CACNA1B: variants seen among roughly 807,000 people sequenced by gnomAD.
CACNA1B encodes voltage-dependent N-type calcium channel subunit alpha-1B.
In CACNA1B, 70 loss-of-function variants were observed where a neutral mutation model predicts 247.2. The observed-to-expected ratio is 0.28, with a 90% CI of 0.23 to 0.35. The LOEUF is 0.35. Ranked by LOEUF, CACNA1B falls within the 10% of genes least tolerant of loss-of-function variation. CACNA1B has a pLI of 1.00. For synonymous variants in CACNA1B, 1,231 were observed against 1,294.4 expected (o/e 0.95, Z 1.05); for missense variants, 2,367 against 3,197.4 (o/e 0.74, Z 6.26).
At chr9:138,030,458 C>T (rs1331150132) in intron 20 of CACNA1B, among the ~76,000 whole-genome samples, 7 of 152,006 alleles carry the variant, frequency 4.6e-5, no homozygotes, top group African/African-American at 1.7e-4. Flanking sequence ...ATAATTATTT[C>T]TCTATGTTGC....
At chr9:137,901,686 A>ATTTTT (rs57624388) in intron 3 of CACNA1B, among the ~76,000 whole-genome samples, 2 of 112,394 alleles carry the variant, frequency 1.8e-5, no homozygotes, top group Non-Finnish European at 3.6e-5. Context: ...TTTTTTTGTG[A>ATTTTT]TTTTTTTTTT....
At chr9:138,089,812 G>A (rs944112727) in intron 36 of CACNA1B, among the ~76,000 whole-genome samples, 1 of 152,132 alleles carries the variant, frequency 6.6e-6, no homozygotes, top group Non-Finnish European at 1.5e-5. Context: ...ACAAAAATCA[G>A]TAGTGTGTCT....
At chr9:138,060,067 A>C (rs1030077773) in intron 31 of CACNA1B, among the ~76,000 whole-genome samples, 5 of 152,248 alleles carry the variant, frequency 3.3e-5, no homozygotes, top group African/African-American at 1.2e-4. Context: ...TGGTATCAAA[A>C]ATATATAAAC....
At chr9:138,114,641 C>T (rs1484037382) in intron 41 of CACNA1B, among the ~76,000 whole-genome samples, 151 bp downstream of exon 41, 1 of 152,124 alleles carries the variant, frequency 6.6e-6, no homozygotes, top group African/African-American at 2.4e-5. Context: ...ACCTCTCTGG[C>T]CCCCAGAGTC....
At chr9:138,023,861 G>A (rs1452912236) in intron 19 of CACNA1B, 50 bp downstream of exon 19, 1 of 938,840 alleles carries the variant, frequency 1.1e-6, no homozygotes, top group South Asian at 1.4e-5. Context: ...GGCCGGGGCG[G>A]CGCGGGCCCC....
At position 138,117,983 on chromosome 9, in the gene CACNA1B, T is replaced by C. The variant is rs772485055; in HGVS notation, c.5815T>C (p.Trp1939Arg). Reference protein sequence around the residue: ...QESGIKESVSWGTQRTQDAPH... With the variant: ...QESGIKESVSRGTQRTQDAPH... ...GAGTGGCATCAAAGAGTCTGTCTCC[T>C]GGGGCACTCAAAGGACCCAGGATGC... Residue 1939 changes from tryptophan (W) to arginine (R), a missense_variant, in exon 43 of 47, where the codon TGG becomes CGG. By Grantham distance (101) the Trp-to-Arg change is moderately radical (BLOSUM62 -3). This residue lies in a region of CACNA1B where 773 missense variants were observed against 779.4 expected (regional missense o/e 0.99). Coordinates refer to ENST00000371372, the MANE Select transcript of CACNA1B (RefSeq NM_000718.4). 1 of 1,596,978 alleles carries C rather than the reference T, an allele frequency of 6.3e-7. No individual in the cohort carries two copies. The highest frequency in any genetic ancestry group is 1.1e-5 in the South Asian group (1 of 87,738).
At chr9:137,916,768 A>T (rs1367425021) in intron 5 of CACNA1B, among the ~76,000 whole-genome samples, 1 of 151,268 alleles carries the variant, frequency 6.6e-6, no homozygotes, top group African/African-American at 2.4e-5. Flanking sequence ...TGTGAGGGAG[A>T]GGAACGGTCC....
Position 137,986,332 on chromosome 9 carries a change from A to C in CACNA1B, c.1770-81A>C. ...CCCTCAGGGTTTAGAAAGTCAGTGGAGCCTTAAGTGTGGCTGCAGAGAGCC... is the reference window on the plus strand; with the variant it reads ...CCCTCAGGGTTTAGAAAGTCAGTGGCGCCTTAAGTGTGGCTGCAGAGAGCC... On this transcript the variant is annotated intron_variant, in intron 13 of 46. Transcript: ENST00000371372. The surrounding 1 kb of genome is among the most constrained non-coding windows in gnomAD (Gnocchi z 6.0). 6.7e-7 allele frequency: 1 copy of C among 1,492,166 alleles called. No homozygotes were observed. The highest frequency in any genetic ancestry group is 9.2e-7 in the Non-Finnish European group (1 of 1,089,120). 92.4% of individuals were successfully genotyped at this position (1,492,166 alleles called of 1,614,324 possible).
chr9:138,084,800 A>C (rs1447745072), intron 36 of CACNA1B, among the ~76,000 whole-genome samples: 2 of 150,812 alleles, frequency 1.3e-5, no homozygotes, highest in Non-Finnish European at 2.9e-5. Flanking sequence ...AAATACAAAA[A>C]AATTAGCCGG....
At position 138,049,232 on chromosome 9, in the gene CACNA1B, T is replaced by C. The variant is rs773080620; in HGVS notation, c.3627T>C (p.Leu1209=). The C allele has an allele frequency of 2.5e-6, 4 of 1,612,648 alleles. No individual in the cohort carries two copies. Among genetic ancestry groups the C allele is most frequent in the Non-Finnish European group, 3.4e-6 (4 of 1,178,588 alleles). The change falls in exon 24 of 47, where the codon CTT becomes CTC. Residue 1209 remains leucine (L), a synonymous_variant. Coordinates refer to ENST00000371372, the MANE Select transcript of CACNA1B (RefSeq NM_000718.4). ...VIKMIDLGLL[L]HPGAYFRDLW... ...AGATGATCGACTTGGGACTGCTGCTTCACCCTGGAGCCTATTTCCGGGACT... is the reference window on the plus strand; with the variant it reads ...AGATGATCGACTTGGGACTGCTGCTCCACCCTGGAGCCTATTTCCGGGACT...
intron 6 of CACNA1B, among the ~76,000 whole-genome samples, chr9:137,926,892 GGTT>G (rs1957557120): frequency 1.3e-5 from 2 of 152,062 alleles, no homozygotes; most frequent in Non-Finnish European, 2.9e-5. Flanking sequence ...CTGTTGTTTT[GGTT>G]GTTGTTGAGT....
chr9:137,897,546 C>T (rs1957186308), intron 3 of CACNA1B, among the ~76,000 whole-genome samples: 1 of 152,158 alleles, frequency 6.6e-6, no homozygotes, highest in Admixed American at 6.5e-5. Context: ...TGCCACTGCA[C>T]TTCAACCTGG....
intron 15 of CACNA1B, 88 bp from the exon 16 acceptor site, chr9:138,006,679 G>A (rs1366541625): frequency 1.1e-5 from 8 of 733,720 alleles, no homozygotes; most frequent in African/African-American, 5.2e-5. Context: ...TGGACGTGGC[G>A]GTGCACATGC....
At chr9:137,878,340 G>T (rs945696760) in intron 1 of CACNA1B, 123 bp downstream of exon 1, 3 of 898,156 alleles carry the variant, frequency 3.3e-6, no homozygotes, top group Non-Finnish European at 4.4e-6. Context: ...CGGGCGAGGG[G>T]GGTACGGAGC....
At chr9:137,987,341 C>G (rs1461491046) in intron 15 of CACNA1B, among the ~76,000 whole-genome samples, 1 of 152,186 alleles carries the variant, frequency 6.6e-6, no homozygotes, top group Non-Finnish European at 1.5e-5. Flanking sequence ...CGACGGAGAC[C>G]TTGTTGGCTC....
rs199707607 is a variant in CACNA1B, at chr9:138,049,292, C to T, written c.3687C>T (p.Gly1229=). 1.9e-5 allele frequency: 30 copies of T among 1,611,278 alleles called. No individual in the cohort carries two copies. Among genetic ancestry groups the T allele is most frequent in the Middle Eastern group, 1.7e-4 (1 of 6,060 alleles). The change falls in exon 24 of 47, where the codon GGC becomes GGT. Residue 1229 remains glycine, a synonymous_variant. Coordinates refer to ENST00000371372, the MANE Select transcript of CACNA1B (RefSeq NM_000718.4). ...TTCTGGACTTCATTGTGGTCAGTGG[C>T]GCCCTGGTGGCGTTTGCTTTCTCGT... ...WNILDFIVVS[G]ALVAFAFSGS...
intron 3 of CACNA1B, among the ~76,000 whole-genome samples, chr9:137,885,217 AG>A (rs1956993289): frequency 6.6e-6 from 1 of 151,098 alleles, no homozygotes; most frequent in Non-Finnish European, 1.5e-5. Flanking sequence ...CCCGGGTTGG[AG>A]GTGATCTGTG....
intron 35 of CACNA1B, among the ~76,000 whole-genome samples, chr9:138,077,447 A>G (rs888419854): frequency 2.6e-5 from 4 of 152,058 alleles, no homozygotes; most frequent in African/African-American, 9.7e-5. Context: ...AAGAGTGGGC[A>G]GCAGGTCCCA....
At position 138,050,213 on chromosome 9, in the gene CACNA1B, C is replaced by T; in HGVS notation, c.3710+898C>T. ...TTCACCCCATCGGGGCTGCATGCTG[C>T]CGGGAGCCAAGTCCCCGGCCAGGGG... is the stretch of plus-strand genomic sequence containing the variant. On this transcript the variant is annotated intron_variant, in intron 24 of 46. Transcript: ENST00000371372. This position sits in a 1 kb window ranked among gnomAD's most constrained non-coding sequence, Gnocchi z 5.2. 4 of 691,282 alleles carry T rather than the reference C, an allele frequency of 5.8e-6. No individual in the cohort carries two copies. Among genetic ancestry groups the T allele is most frequent in the South Asian group, 1.5e-5 (1 of 67,592 alleles). The allele number at this position is 691,282 out of a possible 1,614,324, so 42.8% of individuals were successfully genotyped here.
Sources: gnomAD v4.1 joint callset for allele counts (sites outside exome capture counted in the v4.1 genomes callset) on GRCh38, gnomAD v4.1.1 for gene constraint, gnomAD v4.1.1 regional missense constraint, Gnocchi (gnomAD v3.1) non-coding constraint, MANE v1.5 for transcripts, NCBI Gene and HGNC (gene_info 2026-07-23, HGNC 2026-07-21) for gene names.